The following RNF220 variants were observed in gnomAD, a reference collection of about 807,000 sequenced individuals.
The protein encoded by RNF220 is ring finger protein 220, also known as E3 ubiquitin-protein ligase RNF220.
Under a neutral mutation model 67.1 loss-of-function variants are expected in RNF220, and 7 were observed. That is an observed-to-expected ratio of 0.10 (90% CI 0.06 to 0.20). The LOEUF (loss-of-function observed/expected upper bound fraction) is 0.20. Ranked by LOEUF, RNF220 falls within the 10% of genes least tolerant of loss-of-function variation. RNF220 has a pLI of 1.00. For missense variants in RNF220, 565 were observed against 740.3 expected (o/e 0.76, Z 2.75); for synonymous variants, 270 against 283.2 (o/e 0.95, Z 0.47).
chr1:44,573,430 G>C (rs928004084), intron 2 of RNF220, among the ~76,000 whole-genome samples: 1 of 152,286 alleles, frequency 6.6e-6, no homozygotes, highest in African/African-American at 2.4e-5. Context: ...TGAGGACACC[G>C]GGCTAGAAAG....
At chr1:44,568,630 C>T (rs61787552) in intron 2 of RNF220, among the ~76,000 whole-genome samples, 5,216 of 152,298 alleles carry the variant, frequency 0.034, 117 homozygotes, top group Middle Eastern at 0.051. Context: ...AGTCCTTGCC[C>T]TCCTGAAGCA....
intron 2 of RNF220, among the ~76,000 whole-genome samples, chr1:44,607,210 C>G (rs1293665848): frequency 6.6e-6 from 1 of 152,138 alleles, no homozygotes; most frequent in Non-Finnish European, 1.5e-5. Flanking sequence ...TGCTCTTGCC[C>G]CTTAGACCAC....
rs1020349576 is a variant in RNF220 at position 44,621,894 on chromosome 1, G to A, written c.759-848G>A. Among the ~76,000 whole-genome samples, 27 of 139,310 alleles carry A rather than the reference G, an allele frequency of 1.9e-4. No individual in the cohort carries two copies. Among genetic ancestry groups the A allele is most frequent in the African/African-American group, 5.7e-4 (23 of 40,520 alleles). The allele number at this position is 139,310 out of a possible 152,430, so 91.4% of individuals were successfully genotyped here. ...CATCAGCCAGCACTTCTGTGAGCAT[G>A]TGTGTGTGTGTGTGAGTGCACGCGC... On this transcript the variant is annotated intron_variant, in intron 3 of 14. Coordinates refer to ENST00000361799, the MANE Select transcript of RNF220 (RefSeq NM_018150.4). This position sits in a 1 kb window ranked among gnomAD's most constrained non-coding sequence, Gnocchi z 4.8.
chr1:44,506,634 C>G (rs1438811546), intron 2 of RNF220, among the ~76,000 whole-genome samples: 1 of 152,240 alleles, frequency 6.6e-6, no homozygotes, highest in Non-Finnish European at 1.5e-5. Flanking sequence ...GAAAGCAGGT[C>G]CAGCATCTCC....
chr1:44,549,559 C>A (rs1451318221), intron 2 of RNF220, among the ~76,000 whole-genome samples: 2 of 152,182 alleles, frequency 1.3e-5, no homozygotes, highest in Non-Finnish European at 2.9e-5. Context: ...CCCTCTCTCT[C>A]TTCCCTCCTT....
At chr1:44,629,750 A>C (rs977043517) in intron 5 of RNF220, among the ~76,000 whole-genome samples, 2 of 152,234 alleles carry the variant, frequency 1.3e-5, no homozygotes, top group Non-Finnish European at 2.9e-5. Context: ...GGAGAAAATC[A>C]GAGTAAGCTT....
At chr1:44,531,716 A>G (rs1248304231) in intron 2 of RNF220, among the ~76,000 whole-genome samples, 4 of 152,210 alleles carry the variant, frequency 2.6e-5, no homozygotes, top group South Asian at 2.1e-4. Context: ...GAGCCCTTCA[A>G]GATGATCTGG....
intron 2 of RNF220, among the ~76,000 whole-genome samples, chr1:44,523,262 C>T (rs967438826): frequency 7.2e-5 from 11 of 152,304 alleles, no homozygotes; most frequent in African/African-American, 2.6e-4. Flanking sequence ...CTCGTGGTGC[C>T]GCAAGAAGTG....
intron 1 of RNF220, among the ~76,000 whole-genome samples, chr1:44,405,806 G>T (rs1346726803): frequency 6.6e-6 from 1 of 151,656 alleles, no homozygotes; most frequent in Non-Finnish European, 1.5e-5. Context: ...TATTTGGGGA[G>T]GGGGGGAGGT....
chr1:44,564,774 C>T (rs895988943), intron 2 of RNF220, among the ~76,000 whole-genome samples: 1 of 151,202 alleles, frequency 6.6e-6, no homozygotes, highest in Non-Finnish European at 1.5e-5. Flanking sequence ...AAAAAAGAAC[C>T]ACTATTCTGT....
chr1:44,492,939 A>G (rs979323944), intron 2 of RNF220, among the ~76,000 whole-genome samples: 2 of 149,644 alleles, frequency 1.3e-5, no homozygotes, highest in African/African-American at 2.5e-5. Flanking sequence ...TTTTTTTTAT[A>G]TATGGATGAG....
chr1:44,502,153 T>A (rs1377279975), intron 2 of RNF220, among the ~76,000 whole-genome samples: 112 of 116,920 alleles, frequency 9.6e-4, no homozygotes, highest in Middle Eastern at 8.5e-3. Context: ...TCTCTCTCTC[T>A]CTCTCACACA....
Position 44,405,385 on chromosome 1 carries a change from T to TGCTGCTGCTGCC in RNF220, c.-257_-246dup, listed in dbSNP as rs1196726833. On this transcript the variant is annotated 5_prime_UTR_variant, in exon 1 of 15. Coordinates refer to ENST00000361799, the MANE Select transcript of RNF220 (RefSeq NM_018150.4). ...CCCGGGGCCAGCCGCCTACTGCTGC[T>TGCTGCTGCTGCC]GCTGCTGCTGCCGCTGCCGCCGCCG... 44 of 627,514 alleles carry TGCTGCTGCTGCC rather than the reference T, an allele frequency of 7.0e-5. No individual in the cohort carries two copies. Among genetic ancestry groups the TGCTGCTGCTGCC allele is most frequent in the African/African-American group, 3.4e-4 (18 of 53,220 alleles). The allele number at this position is 627,514 out of a possible 1,614,324, so 38.9% of individuals were successfully genotyped here. A position where few individuals can be genotyped will look rare whatever the true frequency, so the allele number is the denominator to read the frequency against.
At chr1:44,608,315 G>C (rs529169502) in intron 2 of RNF220, among the ~76,000 whole-genome samples, 4 of 152,324 alleles carry the variant, frequency 2.6e-5, no homozygotes, top group Admixed American at 2.6e-4. Flanking sequence ...AGGGCAGAGA[G>C]TGCGCCTGTC....
chr1:44,446,401 G>T (rs7518522), intron 2 of RNF220, among the ~76,000 whole-genome samples: 1 of 151,902 alleles, frequency 6.6e-6, no homozygotes, highest in Admixed American at 6.6e-5. Flanking sequence ...GTGTGAACGT[G>T]ACTGGGAAAA....
At chr1:44,483,467 A>G (rs1656016562) in intron 2 of RNF220, among the ~76,000 whole-genome samples, 3 of 152,210 alleles carry the variant, frequency 2.0e-5, no homozygotes. Flanking sequence ...ATATCAGAAA[A>G]TATACTCATC....
rs377033108 is a variant in RNF220, at chr1:44,646,743, G to T, written c.1445+1255G>T. Among the ~76,000 whole-genome samples, 9 of 152,330 alleles carry T rather than the reference G, an allele frequency of 5.9e-5. 1 individual carries two copies. In the South Asian group the frequency reaches 6.2e-4, roughly 11 times the overall value. ...CAGGATTTCTGTCCCACCTGTGTGA[G>T]CACAGGCACCCGTAGGCAGGGATCT... On this transcript the variant is annotated intron_variant, in intron 12 of 14. Coordinates refer to ENST00000361799, the MANE Select transcript of RNF220 (RefSeq NM_018150.4).
At chr1:44,593,752 T>C (rs1373189065) in intron 2 of RNF220, among the ~76,000 whole-genome samples, 2 of 150,852 alleles carry the variant, frequency 1.3e-5, no homozygotes, top group East Asian at 3.9e-4. Context: ...ATAAAATAAT[T>C]GCACTCTTAA....
chr1:44,587,015 A>G (rs1479143258), intron 2 of RNF220, among the ~76,000 whole-genome samples: 8 of 152,092 alleles, frequency 5.3e-5, no homozygotes, highest in Non-Finnish European at 5.9e-5. Flanking sequence ...AGACACCTCA[A>G]CTGCCCTTGG....
Sources: allele counts gnomAD v4.1 joint callset (sites outside exome capture counted in the v4.1 genomes callset), GRCh38; gene constraint gnomAD v4.1.1; non-coding constraint Gnocchi (gnomAD v3.1); transcripts MANE v1.5; gene names NCBI Gene and HGNC (gene_info 2026-07-23, HGNC 2026-07-21).